The following SLFN14 variants were observed in gnomAD, a reference collection of about 807,000 sequenced individuals.
The protein encoded by SLFN14 is schlafen family member 14.
A neutral mutation model predicts 58.6 loss-of-function variants in SLFN14; 47 were observed. The observed-to-expected ratio is 0.80, with a 90% CI of 0.64 to 1.02. The LOEUF is 1.02. Ranked by LOEUF, SLFN14 falls within the 50% of genes least tolerant of loss-of-function variation. The probability of loss-of-function intolerance (pLI) is 0.00; values close to 1 mark genes in which losing one functional copy is unlikely to be tolerated. For missense variants in SLFN14, 967 were observed against 1,078.4 expected, an observed-to-expected ratio of 0.90 and a Z score of 1.45; for synonymous variants, 390 against 387.3, an observed-to-expected ratio of 1.01 and a Z score of -0.08.
chr17:35,559,470 G>A (rs1334599355), intron 2 of SLFN14, among the ~76,000 whole-genome samples: 1 of 152,048 alleles, frequency 6.6e-6, no homozygotes, highest in East Asian at 1.9e-4. Flanking sequence ...CTAAGACTTG[G>A]AAAAGAACAT....
intron 3 of SLFN14, among the ~76,000 whole-genome samples, chr17:35,555,525 C>T (rs1466288381): frequency 6.7e-6 from 1 of 149,650 alleles, no homozygotes; most frequent in Non-Finnish European, 1.5e-5. Flanking sequence ...GCACTCCAGC[C>T]TAGGCGACAA....
At chr17:35,554,516 A>G in intron 4 of SLFN14, 60 bp downstream of exon 4, 1 of 1,436,210 alleles carries the variant, frequency 7.0e-7, no homozygotes, top group Non-Finnish European at 9.2e-7. Context: ...TACTACTAAC[A>G]CCTCCCAACT....
In SLFN14 at chr17:35,547,287, T is replaced by C. The variant is rs575601126; in HGVS notation, c.*952A>G. Among the ~76,000 whole-genome samples, 1 of 152,360 alleles carries C rather than the reference T, an allele frequency of 6.6e-6. No individual in the cohort carries two copies. Among genetic ancestry groups the C allele is most frequent in the Admixed American group, 6.5e-5 (1 of 15,306 alleles). On this transcript the variant is annotated 3_prime_UTR_variant, in exon 6 of 6. Transcript: ENST00000674182. ...TTGTCTAGTCCTTGTGATAGAAATA[T>C]CTTTATTTTAGAAATTATTGCAATC... is the stretch of plus-strand genomic sequence containing the variant.
rs957956113 is a variant in SLFN14 at position 35,548,778 on chromosome 17, A to C, written c.2200T>G (p.Cys734Gly). ...ATAACCTTCGCTATTTCCAGAGCAC[A>C]GTGGATCCCACTGGTGATTGTTTTT... Reference protein sequence around the residue: ...PRKTITSGIHCALEIAKVMKE... With the variant: ...PRKTITSGIHGALEIAKVMKE... The change falls in exon 6 of 6, where the codon TGT becomes GGT. Residue 734 changes from cysteine (C) to glycine (G), a missense_variant. Transcript: ENST00000674182. 5.6e-5 allele frequency: 87 copies of C among 1,551,616 alleles called. No homozygotes were observed. Among genetic ancestry groups the C allele is most frequent in the Middle Eastern group, 3.3e-4 (2 of 6,014 alleles).
rs2072536467 is a variant in SLFN14, at chr17:35,546,599, C to T, written c.*1640G>A. On this transcript the variant is annotated 3_prime_UTR_variant, in exon 6 of 6. Transcript: ENST00000674182. ...TAAAAACAGTTTGGAAATATGAATA[C>T]TTCCAAAGCAATTTAAAAATCCTTG... Among the ~76,000 whole-genome samples the T allele has an allele frequency of 6.6e-6, 1 of 152,198 alleles. No individual in the cohort carries two copies. The highest frequency in any genetic ancestry group is 1.5e-5 in the Non-Finnish European group (1 of 68,028).
Position 35,548,561 on chromosome 17 carries a change from A to G in SLFN14, c.2417T>C (p.Phe806Ser), listed in dbSNP as rs1047188482. Residue 806 changes from phenylalanine to serine, a missense_variant, in exon 6 of 6, where the codon TTC (phenylalanine) becomes TCC (serine). Physicochemically the swap from Phe to Ser is radical, Grantham distance 155. Coordinates refer to ENST00000674182, the MANE Select transcript of SLFN14 (RefSeq NM_001129820.2). ...NYVARKCHSL[F>S]QCGYLPKDIA... is the part of the protein sequence containing the mutation. ...ATCTTTGGGCAGATAGCCACACTGGAACAGGCTGTGACATTTTCTTGCCAC... is the reference window on the plus strand; with the variant it reads ...ATCTTTGGGCAGATAGCCACACTGGGACAGGCTGTGACATTTTCTTGCCAC... 26 of 1,551,620 alleles carry G rather than the reference A, an allele frequency of 1.7e-5. 1 individual carries two copies. Among genetic ancestry groups the G allele is most frequent in the Non-Finnish European group, 3.5e-6 (4 of 1,147,006 alleles).
rs985578623 is a variant in SLFN14, at chr17:35,547,485, T to C, written c.*754A>G. Among the ~76,000 whole-genome samples, 2 of 152,238 alleles carry C rather than the reference T, an allele frequency of 1.3e-5. No homozygotes were observed. Among genetic ancestry groups the C allele is most frequent in the Admixed American group, 1.3e-4 (2 of 15,284 alleles). ...TATAATTTGGCTTCCTATATTACTGTTGAGGGCACTGATTAGCAAAAGCAT... is the reference window on the plus strand; with the variant it reads ...TATAATTTGGCTTCCTATATTACTGCTGAGGGCACTGATTAGCAAAAGCAT... On this transcript the variant is annotated 3_prime_UTR_variant, in exon 6 of 6. Transcript: ENST00000674182.
At position 35,548,270 on chromosome 17, in the gene SLFN14, TA is replaced by T. The variant is rs1180898668; in HGVS notation, c.2707del (p.Tyr903ThrfsTer16). On this transcript the variant is annotated frameshift_variant, in exon 6 of 6. Transcript: ENST00000674182. LOFTEE classifies it high-confidence loss of function. ...GGCTGCCCTCTTTTCATAAAGCAGG[TA>T]GAGGTGTTTAATGGCTCTTGAAGCA... ...CFASRAIKHL[Y>X]LLYEKRAAY 1 of 1,551,598 alleles carries T rather than the reference TA, an allele frequency of 6.4e-7. No individual in the cohort carries two copies. Among genetic ancestry groups the T allele is most frequent in the Non-Finnish European group, 8.7e-7 (1 of 1,146,982 alleles).
At chr17:35,554,826 G>T in intron 3 of SLFN14, 122 bp from the exon 4 acceptor site, 1 of 805,654 alleles carries the variant, frequency 1.2e-6, no homozygotes, top group Non-Finnish European at 1.7e-6. Flanking sequence ...TGCCTGAGCA[G>T]TCGTACTTAC....
rs1420452720 is a variant in SLFN14 at position 35,552,900 on chromosome 17, C to G, written c.1734G>C (p.Leu578Phe). The change falls in exon 5 of 6, where the codon TTG becomes TTC. Residue 578 changes from leucine to phenylalanine, a missense_variant. Physicochemically the swap from Leu to Phe is conservative, Grantham distance 22. Coordinates refer to ENST00000674182, the MANE Select transcript of SLFN14 (RefSeq NM_001129820.2). ...GTGTCTTCTGAAGACTCTCAGAAAG[C>G]AACTGGCTCTGCTCCATTATGAGCA... ...FNLLIMEQSQ[L>F]LSESLQKTRE... 35 of 1,551,452 alleles carry G rather than the reference C, an allele frequency of 2.3e-5. No individual in the cohort carries two copies. The highest frequency in any genetic ancestry group is 3.0e-5 in the Non-Finnish European group (34 of 1,146,982).
rs997593305 is a variant in SLFN14, at chr17:35,559,793, G to A, written c.-111C>T. On this transcript the variant is annotated 5_prime_UTR_variant, in exon 2 of 6. Transcript: ENST00000674182. ...CCCTGATATCAATTTGTTCTTGGTT[G>A]CCTTCTCACTTCCTTCAGGAAAACC... is the stretch of plus-strand genomic sequence containing the variant. Among the ~76,000 whole-genome samples, 2 of 152,134 alleles carry A rather than the reference G, an allele frequency of 1.3e-5. No individual in the cohort carries two copies. Among genetic ancestry groups the A allele is most frequent in the African/African-American group, 4.8e-5 (2 of 41,430 alleles).
rs1597900627 is a variant in SLFN14 at position 35,548,386 on chromosome 17, A to G, written c.2592T>C (p.Ser864=). 1 of 1,551,738 alleles carries G rather than the reference A, an allele frequency of 6.4e-7. No individual in the cohort carries two copies. The highest frequency in any genetic ancestry group is 1.4e-5 in the African/African-American group (1 of 73,172). The change falls in exon 6 of 6, where the codon AGT becomes AGC. Residue 864 remains serine, a synonymous_variant. Transcript: ENST00000674182. ...GVWGSHIVLD[S]IQQFSGLERT... is the part of the protein sequence containing the mutation. Reference sequence around the variant, plus strand: ...TCTCCAGGCCTGAAAATTGCTGAATACTGTCTAAAACAATGTGACTTCCCC... The same window carrying G: ...TCTCCAGGCCTGAAAATTGCTGAATGCTGTCTAAAACAATGTGACTTCCCC...
chr17:35,554,487 G>A (rs2072630122), intron 4 of SLFN14, 89 bp downstream of exon 4: 1 of 1,160,342 alleles, frequency 8.6e-7, no homozygotes, highest in Admixed American at 4.1e-5. Flanking sequence ...CTTCCCTAAG[G>A]AGAAACACCT....
At chr17:35,558,166 T>C in intron 2 of SLFN14, 60 bp from the exon 3 acceptor site, 1 of 1,069,140 alleles carries the variant, frequency 9.4e-7, no homozygotes, top group South Asian at 1.7e-5. Context: ...ATTACAATAT[T>C]TTCTTCAAAA....
intron 3 of SLFN14, among the ~76,000 whole-genome samples, chr17:35,555,754 C>G (rs921330050): frequency 6.6e-6 from 1 of 152,078 alleles, no homozygotes; most frequent in Non-Finnish European, 1.5e-5. Flanking sequence ...AGCAGATAGG[C>G]GTAGTTCGGC....
Position 35,544,417 on chromosome 17 carries a change from G to A in SLFN14, c.*3822C>T, listed in dbSNP as rs1437927465. On this transcript the variant is annotated 3_prime_UTR_variant, in exon 6 of 6. Transcript: ENST00000674182. ...ACACATATACGTTATAAAGTTGATG[G>A]CACAACTTGATCATAACTGTGTGAA... 6.6e-6 allele frequency among the ~76,000 whole-genome samples: 1 copy of A among 151,990 alleles called. No homozygotes were observed. Among genetic ancestry groups the A allele is most frequent in the African/African-American group, 2.4e-5 (1 of 41,360 alleles).
intron 3 of SLFN14, 45 bp from the exon 4 acceptor site, chr17:35,554,749 T>G: frequency 8.4e-7 from 1 of 1,185,420 alleles, no homozygotes. Flanking sequence ...AAATAAAAAG[T>G]TAAAAAAAAA....
At position 35,547,138 on chromosome 17, in the gene SLFN14, G is replaced by C. The variant is rs1042114318; in HGVS notation, c.*1101C>G. Reference sequence around the variant, plus strand: ...GGGGGCAGTAAGGAGAGGGTTGGTGGTGAACCTGGAAATTTTAGAAACCAA... The same window carrying C: ...GGGGGCAGTAAGGAGAGGGTTGGTGCTGAACCTGGAAATTTTAGAAACCAA... On this transcript the variant is annotated 3_prime_UTR_variant, in exon 6 of 6. Coordinates refer to ENST00000674182, the MANE Select transcript of SLFN14 (RefSeq NM_001129820.2). Among the ~76,000 whole-genome samples, 1 of 152,078 alleles carries C rather than the reference G, an allele frequency of 6.6e-6. No homozygotes were observed. Among genetic ancestry groups the C allele is most frequent in the Non-Finnish European group, 1.5e-5 (1 of 68,012 alleles).
In SLFN14 at chr17:35,553,316, T is replaced by C. The variant is rs1274390763; in HGVS notation, c.1318A>G (p.Arg440Gly). 1.9e-6 allele frequency: 3 copies of C among 1,551,562 alleles called. No individual in the cohort carries two copies. Among genetic ancestry groups the C allele is most frequent in the Non-Finnish European group, 2.6e-6 (3 of 1,147,004 alleles). ...PCSQGIVIFS[R>G]SWAGDVGFRK... ...AAGCCAACATCACCAGCCCAGCTTC[T>C]AGAAAATATCACAATCCCCTGAGAA... The change falls in exon 5 of 6, where the codon AGA becomes GGA. Residue 440 changes from arginine (R) to glycine (G), a missense_variant. By Grantham distance (125) the Arg-to-Gly change is moderately radical. Coordinates refer to ENST00000674182, the MANE Select transcript of SLFN14 (RefSeq NM_001129820.2).
Sources: allele counts gnomAD v4.1 joint callset (sites outside exome capture counted in the v4.1 genomes callset), GRCh38; gene constraint gnomAD v4.1.1; transcripts MANE v1.5; gene names NCBI Gene and HGNC (gene_info 2026-07-23, HGNC 2026-07-21).